The following NPFFR2 variants were observed in gnomAD, a reference collection of about 807,000 sequenced individuals.
NPFFR2 encodes G-protein coupled receptor 74.
In NPFFR2, 15 loss-of-function variants were observed where a neutral mutation model predicts 13.1. That is an observed-to-expected ratio of 1.15 (90% confidence interval 0.77 to 1.76). The LOEUF (loss-of-function observed/expected upper bound fraction) is 1.76, where lower values mean the gene tolerates loss of function less well. Among genes scored for constraint, NPFFR2 ranks in the 40% most tolerant of loss-of-function variants. The pLI is 0.00. For missense variants in NPFFR2, 572 were observed against 503.5 expected (o/e 1.14, Z -1.30); for synonymous variants, 190 against 175.7 (o/e 1.08, Z -0.65).
At chr4:72,109,525 T>C (rs1184581678) in intron 1 of NPFFR2, among the ~76,000 whole-genome samples, 5 of 152,014 alleles carry the variant, frequency 3.3e-5, no homozygotes. Context: ...TCTTATCTCA[T>C]TAGCCAGTGC....
At chr4:72,051,019 A>G (rs962055943) in intron 1 of NPFFR2, among the ~76,000 whole-genome samples, 8 of 152,084 alleles carry the variant, frequency 5.3e-5, no homozygotes, top group African/African-American at 1.9e-4. Flanking sequence ...TCATTGTTGT[A>G]CATTTGGGTT....
chr4:72,083,821 A>C (rs757630238), intron 1 of NPFFR2, among the ~76,000 whole-genome samples: 4 of 152,162 alleles, frequency 2.6e-5, no homozygotes, highest in Admixed American at 1.3e-4. Context: ...TAGGCTCTCT[A>C]AAAGGCATCT....
At chr4:72,129,524 G>C (rs1244721024) in intron 2 of NPFFR2, among the ~76,000 whole-genome samples, 1 of 59,846 alleles carries the variant, frequency 1.7e-5, no homozygotes, top group Non-Finnish European at 3.3e-5. Context: ...AAAGGATTAA[G>C]TGCTGTGCTT....
chr4:72,140,322 C>A (rs1722563517), intron 3 of NPFFR2, among the ~76,000 whole-genome samples: 1 of 152,144 alleles, frequency 6.6e-6, no homozygotes, highest in Non-Finnish European at 1.5e-5. Flanking sequence ...GAGAGGTCGA[C>A]CCTGACTTGT....
chr4:72,072,717 G>T (rs1352184655), intron 1 of NPFFR2, among the ~76,000 whole-genome samples: 3 of 152,054 alleles, frequency 2.0e-5, no homozygotes, highest in African/African-American at 4.8e-5. Context: ...CATCCGAGAA[G>T]TTCAATAGAT....
At chr4:72,052,776 A>G (rs1298146546) in intron 1 of NPFFR2, among the ~76,000 whole-genome samples, 2 of 151,962 alleles carry the variant, frequency 1.3e-5, no homozygotes, top group East Asian at 1.9e-4. Flanking sequence ...AACATTTACA[A>G]TCTATTCTCT....
chr4:72,066,917 G>T (rs1225383587), intron 1 of NPFFR2, among the ~76,000 whole-genome samples: 1 of 152,130 alleles, frequency 6.6e-6, no homozygotes, highest in East Asian at 1.9e-4. Flanking sequence ...GACAGATCTA[G>T]GCTCTCTGAG....
intron 1 of NPFFR2, among the ~76,000 whole-genome samples, chr4:72,039,003 C>T (rs561104424): frequency 7.6e-4 from 106 of 139,398 alleles, no homozygotes; most frequent in Non-Finnish European, 1.4e-3. Context: ...CTCCCGGGTT[C>T]GCGCCATTCT....
chr4:72,131,517 A>C (rs1360738935), intron 2 of NPFFR2, among the ~76,000 whole-genome samples: 2 of 151,704 alleles, frequency 1.3e-5, no homozygotes, highest in Non-Finnish European at 2.9e-5. Flanking sequence ...TAGTGGGTGC[A>C]GCGCACCAGC....
intron 3 of NPFFR2, among the ~76,000 whole-genome samples, chr4:72,146,029 A>C (rs1012297288): frequency 6.6e-5 from 10 of 152,324 alleles, no homozygotes; most frequent in African/African-American, 2.2e-4. Flanking sequence ...AGGACATAGA[A>C]TGTTAGGAAG....
chr4:72,097,018 A>G (rs1173407650), intron 1 of NPFFR2, among the ~76,000 whole-genome samples: 5 of 152,022 alleles, frequency 3.3e-5, no homozygotes, highest in East Asian at 1.9e-4. Flanking sequence ...TAAATGTTCT[A>G]TCAGGTATTA....
chr4:72,080,110 AT>A (rs1415962960), intron 1 of NPFFR2, among the ~76,000 whole-genome samples: 1 of 151,576 alleles, frequency 6.6e-6, no homozygotes, highest in African/African-American at 2.4e-5. Context: ...TCTGGGACCA[AT>A]TTCTTTTGAA....
intron 1 of NPFFR2, among the ~76,000 whole-genome samples, chr4:72,097,253 ATAT>A (rs1258577586): frequency 6.6e-6 from 1 of 152,104 alleles, no homozygotes; most frequent in Non-Finnish European, 1.5e-5. Context: ...TGGCTATAAT[ATAT>A]TATTGTCTTT....
chr4:72,140,722 T>C (rs1722581100), intron 3 of NPFFR2, among the ~76,000 whole-genome samples: 1 of 152,118 alleles, frequency 6.6e-6, no homozygotes, highest in Non-Finnish European at 1.5e-5. Flanking sequence ...AAAATTCTCT[T>C]TTTTTTGGGG....
At chr4:72,060,067 A>G (rs1373599220) in intron 1 of NPFFR2, among the ~76,000 whole-genome samples, 1 of 152,120 alleles carries the variant, frequency 6.6e-6, no homozygotes, top group East Asian at 1.9e-4. Context: ...AAGAGATTTT[A>G]TGTCTATGAA....
At chr4:72,097,619 G>A (rs1210234006) in intron 1 of NPFFR2, among the ~76,000 whole-genome samples, 2 of 152,066 alleles carry the variant, frequency 1.3e-5, no homozygotes, top group African/African-American at 4.8e-5. Flanking sequence ...AATTGAAATT[G>A]TTCTTTGAAG....
At chr4:72,050,441 C>T (rs1334848724) in intron 1 of NPFFR2, among the ~76,000 whole-genome samples, 1 of 151,840 alleles carries the variant, frequency 6.6e-6, no homozygotes, top group Non-Finnish European at 1.5e-5. Flanking sequence ...CTTTACAATT[C>T]GGGCACAACT....
intron 1 of NPFFR2, chr4:72,039,414 G>A (rs184396059): frequency 1.0e-6 from 1 of 983,828 alleles, no homozygotes; most frequent in Non-Finnish European, 1.2e-6. Context: ...CATATTACAG[G>A]TAACCAATCT....
chr4:72,117,550 A>G (rs1057089811), intron 1 of NPFFR2, among the ~76,000 whole-genome samples: 1 of 152,180 alleles, frequency 6.6e-6, no homozygotes, highest in Admixed American at 6.5e-5. Flanking sequence ...CCAGAACACC[A>G]GTATTTGTAT....
Sources: gnomAD v4.1 joint callset for allele counts (sites outside exome capture counted in the v4.1 genomes callset) on GRCh38, gnomAD v4.1.1 for gene constraint, MANE v1.5 for transcripts, NCBI Gene and HGNC (gene_info 2026-07-23, HGNC 2026-07-21) for gene names.